Variants in IGF1R observed in about 807,000 individuals in gnomAD.
The protein encoded by IGF1R is insulin like growth factor 1 receptor.
Under a neutral mutation model 144.6 loss-of-function variants are expected in IGF1R, and 44 were observed. The ratio of observed to expected loss-of-function variants is 0.30; its 90% CI spans 0.24 to 0.39. The LOEUF (loss-of-function observed/expected upper bound fraction) is 0.39. Among genes scored for constraint, IGF1R ranks in the 10% least tolerant of loss-of-function variants. The pLI is 1.00. For synonymous variants in IGF1R, 795 were observed against 722.8 expected (o/e 1.10, Z -1.60); for missense variants, 1,355 against 1,833.7 (o/e 0.74, Z 4.77).
At chr15:98,686,513 A>G (rs1384775183) in intron 1 of IGF1R, among the ~76,000 whole-genome samples, 1 of 152,218 alleles carries the variant, frequency 6.6e-6, no homozygotes, top group Non-Finnish European at 1.5e-5. Flanking sequence ...TGTAGACTGC[A>G]TAAGAATTCC....
At chr15:98,699,160 G>C (rs912329552) in intron 1 of IGF1R, among the ~76,000 whole-genome samples, 9 of 152,254 alleles carry the variant, frequency 5.9e-5, no homozygotes, top group African/African-American at 1.9e-4. Flanking sequence ...CCTTGCCCCA[G>C]CTTGGCTGTA....
At chr15:98,826,045 C>T (rs1053655684) in intron 2 of IGF1R, among the ~76,000 whole-genome samples, 5 of 152,152 alleles carry the variant, frequency 3.3e-5, no homozygotes, top group Non-Finnish European at 7.3e-5. Flanking sequence ...ATGGTATAGT[C>T]TGTGTGTGTA....
intron 11 of IGF1R, among the ~76,000 whole-genome samples, chr15:98,922,893 C>G (rs2015551020): frequency 2.6e-5 from 4 of 152,192 alleles, no homozygotes; most frequent in Admixed American, 2.0e-4. Context: ...TTGGCTTTCC[C>G]TTGTTGTTAG....
intron 1 of IGF1R, among the ~76,000 whole-genome samples, chr15:98,688,976 G>A (rs2053405232): frequency 6.6e-6 from 1 of 152,152 alleles, no homozygotes. Context: ...TCTGTGTGGT[G>A]GGCGACGACT....
At position 98,896,794 on chromosome 15, in the gene IGF1R, G is replaced by A. The variant is rs769313679; in HGVS notation, c.991G>A (p.Val331Ile). The change falls in exon 4 of 21, where the codon GTC becomes ATC. Residue 331 changes from valine (V) to isoleucine (I), a missense_variant. Coordinates refer to ENST00000650285, the MANE Select transcript of IGF1R (RefSeq NM_000875.5). ...CCCTTGTGAAGGTCCTTGCCCGAAG[G>A]TCTGTGAGGAAGAAAAGAAAACAAA... is the stretch of plus-strand genomic sequence containing the variant. Reference protein sequence around the residue: ...CIPCEGPCPKVCEEEKKTKTI... With the variant: ...CIPCEGPCPKICEEEKKTKTI... 32 of 1,613,994 alleles carry A rather than the reference G, an allele frequency of 2.0e-5. No homozygotes were observed. Among genetic ancestry groups the A allele is most frequent in the Admixed American group, 5.0e-5 (3 of 60,010 alleles).
rs779915586 is a variant in IGF1R, at chr15:98,930,224, C to G, written c.2886-11C>G. ...GGGGTTTTGTTAACGTGAATTTAAT[C>G]TTTTTGACAGAAATAACAGCAGGCT... On this transcript the variant is annotated splice_polypyrimidine_tract_variant and intron_variant, in intron 14 of 20. Coordinates refer to ENST00000650285, the MANE Select transcript of IGF1R (RefSeq NM_000875.5). 1.9e-6 allele frequency: 3 copies of G among 1,608,430 alleles called. No individual in the cohort carries two copies. The highest frequency in any genetic ancestry group is 2.6e-6 in the Non-Finnish European group (3 of 1,175,172).
In IGF1R at chr15:98,960,076, T is replaced by G; in HGVS notation, c.*2634T>G. On this transcript the variant is annotated 3_prime_UTR_variant, in exon 21 of 21. Transcript: ENST00000650285. The stretch of plus-strand genomic sequence containing the variant: ...AAACATTTATCTACCTCACTCTTAT[T>G]TTTTATATGTGTATATAGACAAAAG... The G allele has an allele frequency of 4.3e-6, 1 of 233,620 alleles. No homozygotes were observed. Among genetic ancestry groups the G allele is most frequent in the East Asian group, 6.0e-5 (1 of 16,572 alleles). 14.5% of individuals were successfully genotyped at this position (233,620 alleles called of 1,614,324 possible).
At chr15:98,937,359 G>A (rs1425108777) in intron 17 of IGF1R, among the ~76,000 whole-genome samples, 1 of 152,154 alleles carries the variant, frequency 6.6e-6, no homozygotes, top group Non-Finnish European at 1.5e-5. Context: ...CAGAACACAT[G>A]GCCTTGGTCC....
At chr15:98,925,979 C>T in intron 13 of IGF1R, among the ~76,000 whole-genome samples, 1 of 152,040 alleles carries the variant, frequency 6.6e-6, no homozygotes, top group East Asian at 1.9e-4. Flanking sequence ...TTTCCAAAGG[C>T]AATGAAATAG....
intron 9 of IGF1R, chr15:98,916,370 T>C (rs2015249316): frequency 1.8e-6 from 1 of 559,814 alleles, no homozygotes; most frequent in South Asian, 2.0e-5. Flanking sequence ...CAAGCATTTC[T>C]CATTCCCCAG....
rs1412301562 is a variant in IGF1R, at chr15:98,709,374, C to T, written c.640+1267C>T. On this transcript the variant is annotated intron_variant, in intron 2 of 20. Coordinates refer to ENST00000650285, the MANE Select transcript of IGF1R (RefSeq NM_000875.5). Reference sequence around the variant, plus strand: ...TCTATTCTGCAGAATTGGATCAGTGCGTATGTGAACATTGATTAGTGAGGG... The same window carrying T: ...TCTATTCTGCAGAATTGGATCAGTGTGTATGTGAACATTGATTAGTGAGGG... Among the ~76,000 whole-genome samples, 6 of 152,228 alleles carry T rather than the reference C, an allele frequency of 3.9e-5. No individual in the cohort carries two copies. In the East Asian group the frequency reaches 5.8e-4, roughly 15 times the overall value.
intron 5 of IGF1R, among the ~76,000 whole-genome samples, chr15:98,904,344 G>T (rs1381898004): frequency 6.6e-6 from 1 of 152,056 alleles, no homozygotes. Flanking sequence ...GAGCCACCGT[G>T]CCTGGCCTGA....
chr15:98,904,242 C>A (rs746250739), intron 5 of IGF1R, among the ~76,000 whole-genome samples: 1 of 151,812 alleles, frequency 6.6e-6, no homozygotes, highest in Admixed American at 6.6e-5. Flanking sequence ...TTAGTAGAGA[C>A]GGGGTTTCAC....
intron 2 of IGF1R, among the ~76,000 whole-genome samples, chr15:98,869,759 A>G (rs538639814): frequency 2.2e-4 from 34 of 152,326 alleles, no homozygotes; most frequent in African/African-American, 7.0e-4. Flanking sequence ...CCAAGGCAGA[A>G]GAAGAGACAT....
chr15:98,663,895 C>CT (rs1281457236), intron 1 of IGF1R, among the ~76,000 whole-genome samples: 2 of 152,226 alleles, frequency 1.3e-5, no homozygotes, highest in Non-Finnish European at 2.9e-5. Context: ...GCTACTGGTG[C>CT]TTTTGAACTT....
chr15:98,891,175 G>C lies in IGF1R; in HGVS notation c.641-150G>C, dbSNP rs1402716435. ...ATGAAAGGACAGTGGTGGGGGTGAG[G>C]ATTTCGTAGTGTGTTTTTGCATTGT... On this transcript the variant is annotated intron_variant, in intron 2 of 20. Transcript: ENST00000650285. This position sits in a 1 kb window ranked among gnomAD's most constrained non-coding sequence, Gnocchi z 4.7. The C allele has an allele frequency of 1.9e-5, 14 of 746,142 alleles. 1 individual carries two copies. The highest frequency in any genetic ancestry group is 3.5e-4 in the Middle Eastern group (1 of 2,826). 46.2% of individuals were successfully genotyped at this position (746,142 alleles called of 1,614,324 possible). A position where few individuals can be genotyped will look rare whatever the true frequency, so the allele number is the denominator to read the frequency against.
intron 3 of IGF1R, among the ~76,000 whole-genome samples, chr15:98,895,222 C>CCACACACA (rs10704966): frequency 1.5e-4 from 21 of 143,300 alleles, no homozygotes; most frequent in African/African-American, 4.5e-4. Flanking sequence ...TGACACAGCA[C>CCACACACA]CACACACACA....
At chr15:98,662,589 C>G (rs181904254) in intron 1 of IGF1R, among the ~76,000 whole-genome samples, 6 of 151,588 alleles carry the variant, frequency 4.0e-5, no homozygotes, top group Non-Finnish European at 8.8e-5. Flanking sequence ...TTTACTCGAG[C>G]TTGTTGTCTA....
intron 2 of IGF1R, among the ~76,000 whole-genome samples, chr15:98,731,087 C>T (rs116841612): frequency 0.011 from 1,611 of 152,232 alleles, 24 homozygotes; most frequent in Non-Finnish European, 0.013. Context: ...TCTAAAAGGC[C>T]CTATGAGATC....
Sources: allele counts gnomAD v4.1 joint callset (sites outside exome capture counted in the v4.1 genomes callset), GRCh38; gene constraint gnomAD v4.1.1; non-coding constraint Gnocchi (gnomAD v3.1); transcripts MANE v1.5; gene names NCBI Gene and HGNC (gene_info 2026-07-23, HGNC 2026-07-21).